Variants in PTPRD observed in about 807,000 individuals in gnomAD.
PTPRD encodes the protein receptor-type tyrosine-protein phosphatase delta.
A neutral mutation model predicts 214.5 loss-of-function variants in PTPRD; 34 were observed. The observed-to-expected ratio is 0.16, with a 90% CI of 0.12 to 0.21. The LOEUF (loss-of-function observed/expected upper bound fraction) is 0.21. PTPRD is among the 10% of genes least tolerant of loss of function. The probability of loss-of-function intolerance (pLI) is 1.00; values close to 1 mark genes in which losing one functional copy is unlikely to be tolerated. For missense variants in PTPRD, 2,545 were observed against 2,398.7 expected (o/e 1.06, Z -1.27); for synonymous variants, 1,128 against 845.7 (o/e 1.33, Z -5.79).
intron 3 of PTPRD, among the ~76,000 whole-genome samples, chr9:10,176,249 AT>A (rs992544998): frequency 4.6e-5 from 7 of 151,334 alleles, no homozygotes; most frequent in Admixed American, 1.3e-4. Flanking sequence ...TTTTATATAA[AT>A]TTTTTTTCAA....
chr9:9,813,053 T>G (rs1048658052), intron 5 of PTPRD, among the ~76,000 whole-genome samples: 14 of 152,090 alleles, frequency 9.2e-5, no homozygotes, highest in African/African-American at 2.9e-4. Flanking sequence ...ACACTCTTAA[T>G]GCAATCAATG....
chr9:10,148,956 G>C (rs192197157), intron 3 of PTPRD, among the ~76,000 whole-genome samples: 24 of 152,286 alleles, frequency 1.6e-4, no homozygotes, highest in Admixed American at 1.4e-3. Context: ...CAGAGAGTGT[G>C]ATATGTGAGA....
intron 14 of PTPRD, among the ~76,000 whole-genome samples, chr9:8,573,725 A>G (rs932202619): frequency 1.3e-5 from 2 of 152,000 alleles, no homozygotes; most frequent in Non-Finnish European, 2.9e-5. Context: ...TTTTTATCAC[A>G]TTAGAAAAAA....
At chr9:10,550,929 T>G (rs2061210234) in intron 2 of PTPRD, among the ~76,000 whole-genome samples, 2 of 152,200 alleles carry the variant, frequency 1.3e-5, no homozygotes, top group African/African-American at 4.8e-5. Context: ...CGGTATTAAC[T>G]TTCATTCTCC....
chr9:8,382,359 C>G (rs2085373488), intron 37 of PTPRD, among the ~76,000 whole-genome samples: 1 of 152,132 alleles, frequency 6.6e-6, no homozygotes, highest in Non-Finnish European at 1.5e-5. Context: ...ACAGGAGAAC[C>G]ACAGACATGA....
chr9:8,368,489 A>T lies in PTPRD; in HGVS notation c.4661+7447T>A, dbSNP rs1368627265. ...AAATAGACCTGATATATGATTTTGA[A>T]GTTAGATAGTATTGTATTACTATTG... On this transcript the variant is annotated intron_variant, in intron 39 of 45. Coordinates refer to ENST00000381196, the MANE Select transcript of PTPRD (RefSeq NM_002839.4). Among the ~76,000 whole-genome samples, 5 of 152,102 alleles carry T rather than the reference A, an allele frequency of 3.3e-5. No individual in the cohort carries two copies. In the South Asian group the frequency reaches 6.2e-4, roughly 19 times the overall value.
chr9:9,167,326 G>A (rs1288336199), intron 10 of PTPRD, among the ~76,000 whole-genome samples: 1 of 137,854 alleles, frequency 7.3e-6, no homozygotes, highest in Non-Finnish European at 1.6e-5. Flanking sequence ...GCTATATGGG[G>A]TTTGTGTGTG....
At chr9:9,946,057 G>GTTGGGAAAGTCACCCTTCCGTTTCCCAC (rs139387979) in intron 4 of PTPRD, among the ~76,000 whole-genome samples, 1 of 151,118 alleles carries the variant, frequency 6.6e-6, no homozygotes, top group Non-Finnish European at 1.5e-5. Flanking sequence ...TCCTTTCCCA[G>GTTGGGAAAGTCACCCTTCCGTTTCCCAC]TTGGGAAAGT....
chr9:9,613,087 G>A (rs916944791), intron 7 of PTPRD, among the ~76,000 whole-genome samples: 15 of 120,672 alleles, frequency 1.2e-4, no homozygotes, highest in African/African-American at 4.5e-4. Context: ...TGATGCTGCT[G>A]GTTCAGGGAC....
intron 2 of PTPRD, among the ~76,000 whole-genome samples, chr9:10,359,791 G>C (rs1006827237): frequency 2.6e-5 from 4 of 152,126 alleles, no homozygotes; most frequent in Non-Finnish European, 5.9e-5. Flanking sequence ...AGGGGATACT[G>C]TGATTTTTAT....
In PTPRD at chr9:8,317,866, A is replaced by G. The variant is rs199614036; in HGVS notation, c.*8T>C. On this transcript the variant is annotated 3_prime_UTR_variant, in exon 46 of 46. Coordinates refer to ENST00000381196, the MANE Select transcript of PTPRD (RefSeq NM_002839.4). ...CTGTAGTAAAAATCCAGAATGGGTC[A>G]GGGGTTTCTACGTTGCATAGTGGTC... 1 of 1,611,834 alleles carries G rather than the reference A, an allele frequency of 6.2e-7. No homozygotes were observed. The highest frequency in any genetic ancestry group is 2.2e-5 in the East Asian group (1 of 44,816).
At chr9:8,414,930 G>GGGAGAGAGAGAGA (rs1491158344) in intron 35 of PTPRD, among the ~76,000 whole-genome samples, 2 of 49,252 alleles carry the variant, frequency 4.1e-5, no homozygotes, top group African/African-American at 1.6e-4. Flanking sequence ...AGAGGGAGGG[G>GGGAGAGAGAGAGA]GAGAGAGAGA....
chr9:9,007,730 C>CT (rs35507897), intron 11 of PTPRD, among the ~76,000 whole-genome samples: 36,959 of 135,608 alleles, frequency 0.27, 5,164 homozygotes, highest in African/African-American at 0.34. Flanking sequence ...TACTTGGATC[C>CT]TTTTTTTTTT....
chr9:9,779,103 A>AAAAAAAAAAAAAAAAAAC (rs2098823127), intron 5 of PTPRD, among the ~76,000 whole-genome samples: 1 of 148,326 alleles, frequency 6.7e-6, no homozygotes, highest in Non-Finnish European at 1.5e-5. Flanking sequence ...AAAAAAAAAA[A>AAAAAAAAAAAAAAAAAAC]AGCAATGGGG....
chr9:10,394,854 C>T (rs1411463382), intron 2 of PTPRD, among the ~76,000 whole-genome samples: 1 of 151,430 alleles, frequency 6.6e-6, no homozygotes, highest in Non-Finnish European at 1.5e-5. Flanking sequence ...TTTTAGGTAC[C>T]AAGATGGTCA....
intron 36 of PTPRD, among the ~76,000 whole-genome samples, chr9:8,400,224 T>G (rs1033525404): frequency 2.6e-5 from 4 of 152,206 alleles, no homozygotes; most frequent in East Asian, 1.9e-4. Flanking sequence ...TATCCACAAC[T>G]GCAATAATTA....
Position 9,825,326 on chromosome 9 carries a change from G to A in PTPRD, c.-367-58475C>T, listed in dbSNP as rs10816191. On this transcript the variant is annotated intron_variant, in intron 5 of 45. Coordinates refer to ENST00000381196, the MANE Select transcript of PTPRD (RefSeq NM_002839.4). ...AGGTAGGAAGAAAGAGAAAGAAAGA[G>A]AGAGAGAAAGAGACAAAGAAAGAGA... is the stretch of plus-strand genomic sequence containing the variant. 1.5e-4 allele frequency among the ~76,000 whole-genome samples: 23 copies of A among 151,308 alleles called. No homozygotes were observed. The South Asian group carries it at 4.2e-3, about 27-fold the overall frequency.
At chr9:8,475,243 G>A (rs2096739542) in intron 30 of PTPRD, among the ~76,000 whole-genome samples, 2 of 152,066 alleles carry the variant, frequency 1.3e-5, no homozygotes, top group Admixed American at 1.3e-4. Flanking sequence ...GGGAGTTTCT[G>A]GTACTCTTCT....
chr9:9,616,859 G>A (rs942946174), intron 7 of PTPRD, among the ~76,000 whole-genome samples: 4 of 152,062 alleles, frequency 2.6e-5, no homozygotes, highest in Admixed American at 6.5e-5. Context: ...TAATTTGATT[G>A]CACTATGGTC....
Sources: allele counts gnomAD v4.1 joint callset (sites outside exome capture counted in the v4.1 genomes callset), GRCh38; gene constraint gnomAD v4.1.1; transcripts MANE v1.5; gene names NCBI Gene and HGNC (gene_info 2026-07-23, HGNC 2026-07-21).